Variants in DPP10 observed in about 807,000 individuals in gnomAD.
DPP10 encodes the protein dipeptidyl peptidase like 10, also known as inactive dipeptidyl peptidase 10.
In DPP10, 33 loss-of-function variants were observed where a neutral mutation model predicts 120.9. The observed-to-expected ratio is 0.27, with a 90% CI of 0.21 to 0.37. DPP10 has a LOEUF of 0.37. DPP10 is among the 10% of genes least tolerant of loss of function. The pLI, the probability that DPP10 is intolerant of heterozygous loss-of-function variation, is 1.00. For synonymous variants in DPP10, 337 were observed against 326.1 expected, an observed-to-expected ratio of 1.03 and a Z score of -0.36; for missense variants, 816 against 942.8, an observed-to-expected ratio of 0.87 and a Z score of 1.76.
intron 1 of DPP10, among the ~76,000 whole-genome samples, chr2:114,489,783 T>C (rs145004297): frequency 1.7e-3 from 260 of 152,266 alleles, no homozygotes; most frequent in African/African-American, 5.7e-3. Flanking sequence ...ACATCTACCG[T>C]AAAATACATA....
At chr2:115,755,696 C>CA (rs1036515737) in intron 11 of DPP10, among the ~76,000 whole-genome samples, 1 of 151,860 alleles carries the variant, frequency 6.6e-6, no homozygotes, top group African/African-American at 2.4e-5. Context: ...GGAGGTTTCT[C>CA]AAAAAACTAA....
At chr2:115,026,146 T>C (rs777013711) in intron 1 of DPP10, among the ~76,000 whole-genome samples, 1 of 152,214 alleles carries the variant, frequency 6.6e-6, no homozygotes, top group Non-Finnish European at 1.5e-5. Context: ...AGTAGTTTCA[T>C]AGTTTCAGGT....
rs575899842 is a variant in DPP10 at position 115,026,750 on chromosome 2, T to C, written c.61-282489T>C. ...CAGGGTTTTATCATGTTGGCCAGGCTGCTCTCAAACTCCTGGCCCCATGCA... is the reference window on the plus strand; with the variant it reads ...CAGGGTTTTATCATGTTGGCCAGGCCGCTCTCAAACTCCTGGCCCCATGCA... On this transcript the variant is annotated intron_variant, in intron 1 of 25. Coordinates refer to ENST00000410059, the MANE Select transcript of DPP10 (RefSeq NM_020868.6). Among the ~76,000 whole-genome samples, 3 of 152,258 alleles carry C rather than the reference T, an allele frequency of 2.0e-5. No individual in the cohort carries two copies. In the South Asian group the frequency reaches 6.2e-4, roughly 32 times the overall value.
At chr2:115,307,948 A>G (rs1395220988) in intron 1 of DPP10, among the ~76,000 whole-genome samples, 3 of 152,142 alleles carry the variant, frequency 2.0e-5, no homozygotes, top group Admixed American at 2.0e-4. Context: ...GGAGCAAGTC[A>G]TTTAAGAAAA....
chr2:115,314,647 A>G (rs2061709683), intron 2 of DPP10, among the ~76,000 whole-genome samples: 1 of 152,158 alleles, frequency 6.6e-6, no homozygotes, highest in South Asian at 2.1e-4. Context: ...AAGTGTCTCT[A>G]AGATTAAGAA....
chr2:114,653,027 AGTGTGT>A (rs10528455), intron 1 of DPP10, among the ~76,000 whole-genome samples: 46 of 135,854 alleles, frequency 3.4e-4, no homozygotes, highest in East Asian at 1.3e-3. Context: ...AGAGAGAGAG[AGTGTGT>A]GTGTGTGTGT....
chr2:114,823,202 G>A (rs1431452704), intron 1 of DPP10, among the ~76,000 whole-genome samples: 1 of 152,174 alleles, frequency 6.6e-6, no homozygotes, highest in Non-Finnish European at 1.5e-5. Context: ...GAGGCCTCAG[G>A]AAAGTTACAA....
At chr2:115,262,983 G>A (rs553203542) in intron 1 of DPP10, among the ~76,000 whole-genome samples, 188 of 152,202 alleles carry the variant, frequency 1.2e-3, no homozygotes, top group Middle Eastern at 6.8e-3. Flanking sequence ...TAAATACATA[G>A]TGTGACTGGC....
chr2:115,093,469 A>G (rs952731592), intron 1 of DPP10, among the ~76,000 whole-genome samples: 3 of 152,158 alleles, frequency 2.0e-5, no homozygotes, highest in African/African-American at 4.8e-5. Flanking sequence ...TCTATTTTTA[A>G]TCTAGATTAT....
chr2:114,612,456 C>A (rs72953538), intron 1 of DPP10, among the ~76,000 whole-genome samples: 16,636 of 152,088 alleles, frequency 0.11, 1,238 homozygotes, highest in East Asian at 0.21. Context: ...TCAATTTGAA[C>A]GTTTGGTGCT....
chr2:115,080,302 T>C (rs1457062495), intron 1 of DPP10, among the ~76,000 whole-genome samples: 1 of 152,146 alleles, frequency 6.6e-6, no homozygotes, highest in Non-Finnish European at 1.5e-5. Context: ...ACAGGCATGA[T>C]CCACCGTGCC....
At chr2:115,395,092 C>T (rs1201758167) in intron 3 of DPP10, among the ~76,000 whole-genome samples, 1 of 152,138 alleles carries the variant, frequency 6.6e-6, no homozygotes, top group African/African-American at 2.4e-5. Context: ...AAGAAAATTC[C>T]AGAGACTGGG....
intron 5 of DPP10, among the ~76,000 whole-genome samples, chr2:115,599,666 T>C (rs1347948658): frequency 6.6e-6 from 1 of 152,190 alleles, no homozygotes; most frequent in African/African-American, 2.4e-5. Context: ...TACCTCGATA[T>C]TGGGTCACAT....
Position 115,747,325 on chromosome 2 carries a change from T to G in DPP10, c.950+1142T>G, listed in dbSNP as rs190842566. ...ATAATAGGCCTGAATTGGCATATAA[T>G]GTAATACAGTTGACCAAATCAAATA... On this transcript the variant is annotated intron_variant, in intron 10 of 25. Transcript: ENST00000410059. 1.6e-3 allele frequency among the ~76,000 whole-genome samples: 248 copies of G among 152,326 alleles called. 1 individual carries two copies. Among genetic ancestry groups the G allele is most frequent in the Middle Eastern group, 6.8e-3 (2 of 294 alleles).
chr2:115,261,744 A>G (rs1344986427), intron 1 of DPP10, among the ~76,000 whole-genome samples: 1 of 152,148 alleles, frequency 6.6e-6, no homozygotes, highest in Non-Finnish European at 1.5e-5. Flanking sequence ...TCCTTTCTTA[A>G]ATTCTGCTGT....
intron 1 of DPP10, among the ~76,000 whole-genome samples, chr2:114,669,027 C>G (rs1315945208): frequency 2.0e-5 from 3 of 152,156 alleles, no homozygotes; most frequent in Non-Finnish European, 4.4e-5. Flanking sequence ...TTGCTTGAGT[C>G]TGATCATCCA....
intron 3 of DPP10, among the ~76,000 whole-genome samples, chr2:115,389,232 C>A (rs192007595): frequency 1.3e-5 from 2 of 151,708 alleles, no homozygotes; most frequent in Admixed American, 1.3e-4. Context: ...TTCCCTCTGC[C>A]TGCAGTTAGG....
At chr2:115,814,008 C>A in intron 19 of DPP10, among the ~76,000 whole-genome samples, 1 of 152,138 alleles carries the variant, frequency 6.6e-6, no homozygotes, top group East Asian at 1.9e-4. Flanking sequence ...GTTTCAGAGT[C>A]TGATTTTTTA....
chr2:114,557,705 A>T (rs1483884091), intron 1 of DPP10, among the ~76,000 whole-genome samples: 12 of 152,288 alleles, frequency 7.9e-5, no homozygotes, highest in African/African-American at 2.2e-4. Context: ...GTTATCATGG[A>T]TATGTACATC....
Sources: allele counts gnomAD v4.1 joint callset (sites outside exome capture counted in the v4.1 genomes callset), GRCh38; gene constraint gnomAD v4.1.1; transcripts MANE v1.5; gene names NCBI Gene and HGNC (gene_info 2026-07-23, HGNC 2026-07-21).